The following DLG2 variants were observed in gnomAD, a reference collection of about 807,000 sequenced individuals.
The protein encoded by DLG2 is disks large homolog 2.
A neutral mutation model predicts 132.5 loss-of-function variants in DLG2; 45 were observed. The ratio of observed to expected loss-of-function variants is 0.34; its 90% CI spans 0.27 to 0.44. The LOEUF (loss-of-function observed/expected upper bound fraction) is 0.44, where lower values mean the gene tolerates loss of function less well. Among genes scored for constraint, DLG2 ranks in the 20% least tolerant of loss-of-function variants. DLG2 has a pLI of 1.00. For missense variants in DLG2, 1,045 were observed against 1,196.9 expected, an observed-to-expected ratio of 0.87 and a Z score of 1.87; for synonymous variants, 424 against 419.6, an observed-to-expected ratio of 1.01 and a Z score of -0.13.
At chr11:85,138,022 G>A (rs1232913880) in intron 5 of DLG2, among the ~76,000 whole-genome samples, 1 of 151,976 alleles carries the variant, frequency 6.6e-6, no homozygotes, top group Non-Finnish European at 1.5e-5. Context: ...AGTTAAATGT[G>A]TATCCTTACA....
At chr11:84,195,177 T>C (rs2096492412) in intron 8 of DLG2, among the ~76,000 whole-genome samples, 1 of 152,144 alleles carries the variant, frequency 6.6e-6, no homozygotes, top group African/African-American at 2.4e-5. Flanking sequence ...TTATTTATAT[T>C]TTTTTGAGAT....
At chr11:84,591,223 C>CTCTGTGTGTGTGTGTGTG (rs1555073566) in intron 6 of DLG2, among the ~76,000 whole-genome samples, 3,303 of 139,240 alleles carry the variant, frequency 0.024, 50 homozygotes, top group Admixed American at 0.034. Context: ...ATGTGTCTCT[C>CTCTGTGTGTGTGTGTGTG]TGTGTGTGTG....
At chr11:83,819,016 T>C (rs998314145) in intron 17 of DLG2, among the ~76,000 whole-genome samples, 1 of 152,168 alleles carries the variant, frequency 6.6e-6, no homozygotes. Flanking sequence ...AAGGAACACT[T>C]GCTTGCCTTT....
intron 9 of DLG2, among the ~76,000 whole-genome samples, chr11:84,117,053 C>T (rs1321199110): frequency 1.3e-5 from 2 of 152,126 alleles, no homozygotes; most frequent in African/African-American, 4.8e-5. Context: ...TCAGACTTTC[C>T]CTCACCTCTT....
intron 10 of DLG2, among the ~76,000 whole-genome samples, chr11:84,063,077 C>G (rs1228350629): frequency 6.6e-6 from 1 of 152,068 alleles, no homozygotes; most frequent in Non-Finnish European, 1.5e-5. Context: ...GAGTTCAAGA[C>G]CAGCCTGGGC....
At chr11:84,302,214 G>A (rs893640034) in intron 7 of DLG2, among the ~76,000 whole-genome samples, 1 of 152,108 alleles carries the variant, frequency 6.6e-6, no homozygotes. Context: ...AGGGGCTAGG[G>A]GAGGGATAGC....
chr11:83,677,311 T>C (rs2077912683), intron 18 of DLG2, among the ~76,000 whole-genome samples: 1 of 152,194 alleles, frequency 6.6e-6, no homozygotes, highest in African/African-American at 2.4e-5. Flanking sequence ...AAAATAAATA[T>C]GGCACCCATT....
chr11:85,167,460 G>A (rs926860611), intron 4 of DLG2, among the ~76,000 whole-genome samples: 1 of 152,064 alleles, frequency 6.6e-6, no homozygotes, highest in Non-Finnish European at 1.5e-5. Context: ...GCAGAATCAG[G>A]AAGTTCACTC....
intron 19 of DLG2, among the ~76,000 whole-genome samples, chr11:83,580,379 T>C (rs1362616857): frequency 4.6e-5 from 7 of 152,080 alleles, no homozygotes; most frequent in Admixed American, 1.3e-4. Context: ...AAAACATTTA[T>C]TGAGCACTAC....
intron 3 of DLG2, among the ~76,000 whole-genome samples, chr11:85,379,569 T>C (rs761049634): frequency 4.6e-5 from 7 of 152,142 alleles, no homozygotes; most frequent in Non-Finnish European, 8.8e-5. Flanking sequence ...CTCTGGGATA[T>C]AACAAAAATG....
In DLG2 at chr11:85,401,247, A is replaced by T. The variant is rs187703192; in HGVS notation, c.41-115882T>A. On this transcript the variant is annotated intron_variant, in intron 3 of 27. Transcript: ENST00000376104. ...AACCAATGACAAAAATCACCTGATT[A>T]TCTCAATAGATGCAGAAAAGGCCTT... 7.1e-4 allele frequency among the ~76,000 whole-genome samples: 108 copies of T among 152,302 alleles called. 2 individuals are homozygous for T. The East Asian group carries it at 0.018, about 25-fold the overall frequency.
At chr11:84,490,080 T>G (rs867464859) in intron 7 of DLG2, among the ~76,000 whole-genome samples, 2 of 152,100 alleles carry the variant, frequency 1.3e-5, no homozygotes, top group South Asian at 4.1e-4. Context: ...AATCAGGACA[T>G]TCAGTGGTTA....
chr11:85,175,716 G>A (rs1009661353), intron 4 of DLG2, among the ~76,000 whole-genome samples: 2 of 151,940 alleles, frequency 1.3e-5, no homozygotes, highest in African/African-American at 2.4e-5. Flanking sequence ...AGAAAACTCT[G>A]CCGTCACCAC....
chr11:84,199,010 G>A (rs2096558964), intron 8 of DLG2, among the ~76,000 whole-genome samples: 1 of 152,240 alleles, frequency 6.6e-6, no homozygotes, highest in African/African-American at 2.4e-5. Flanking sequence ...AGCCAGGAAA[G>A]ATGGATTTGA....
intron 6 of DLG2, chr11:85,020,834 G>A (rs1295379881): frequency 1.3e-6 from 1 of 744,670 alleles, no homozygotes; most frequent in Admixed American, 1.7e-5. Context: ...AGCTCCAGCT[G>A]GCCATCCCCC....
At chr11:85,177,592 G>T (rs2079388704) in intron 4 of DLG2, among the ~76,000 whole-genome samples, 1 of 151,980 alleles carries the variant, frequency 6.6e-6, no homozygotes, top group Admixed American at 6.6e-5. Context: ...TAGGTGATGG[G>T]TTGACCTGTG....
rs1249255278 is a variant in DLG2, at chr11:84,334,379, A to G, written c.520-83088T>C. ...CCTGTGCATTTTGCTAATTCTTTCA[A>G]GTTACTTAATTGCCATCCTTACCCA... On this transcript the variant is annotated intron_variant, in intron 7 of 27. Transcript: ENST00000376104. 2.0e-5 allele frequency among the ~76,000 whole-genome samples: 3 copies of G among 152,188 alleles called. No homozygotes were observed. In the East Asian group the frequency reaches 5.8e-4, roughly 29 times the overall value.
At chr11:85,008,140 T>C (rs75488239) in intron 6 of DLG2, among the ~76,000 whole-genome samples, 2,107 of 152,298 alleles carry the variant, frequency 0.014, 48 homozygotes, top group African/African-American at 0.047. Context: ...GTTTCTGCCA[T>C]GAAATGAGTT....
chr11:83,972,034 T>G (rs546737304), intron 12 of DLG2, among the ~76,000 whole-genome samples: 1 of 152,212 alleles, frequency 6.6e-6, no homozygotes, highest in African/African-American at 2.4e-5. Flanking sequence ...CTAAGTACAG[T>G]GGTGTCATTA....
Sources: allele counts gnomAD v4.1 joint callset (sites outside exome capture counted in the v4.1 genomes callset), GRCh38; gene constraint gnomAD v4.1.1; transcripts MANE v1.5; gene names NCBI Gene and HGNC (gene_info 2026-07-23, HGNC 2026-07-21).